Variants in SH2D2A observed in about 807,000 individuals in gnomAD.
SH2D2A encodes SH2 domain-containing protein 2A.
In SH2D2A, 33 loss-of-function variants were observed where a neutral mutation model predicts 43.6. That is an observed-to-expected ratio of 0.76 (90% confidence interval 0.57 to 1.01). The LOEUF (loss-of-function observed/expected upper bound fraction) is 1.01. Ranked by LOEUF, SH2D2A falls within the 50% of genes least tolerant of loss-of-function variation. The probability of loss-of-function intolerance (pLI) is 0.00; values close to 1 mark genes in which losing one functional copy is unlikely to be tolerated. For missense variants in SH2D2A, 491 were observed against 503.1 expected (o/e 0.98, Z 0.23); for synonymous variants, 212 against 206.1 (o/e 1.03, Z -0.25).
chr1:156,809,877 A>G lies in SH2D2A; in HGVS notation c.568-70T>C, dbSNP rs1303261465. 1.3e-6 allele frequency: 2 copies of G among 1,566,960 alleles called. No individual in the cohort carries two copies. The highest frequency in any genetic ancestry group is 2.7e-5 in the African/African-American group (2 of 72,966). ...GGTGGGGGAGGTGATCAGGAGGACA[A>G]AATAATCCAGTCTAAGTGGAGGATG... On this transcript the variant is annotated intron_variant, in intron 5 of 8. Coordinates refer to ENST00000368199, the MANE Select transcript of SH2D2A (RefSeq NM_003975.4). This position sits in a 1 kb window ranked among gnomAD's most constrained non-coding sequence, Gnocchi z 4.8.
In SH2D2A at chr1:156,807,369, G is replaced by A. The variant is rs761717514; in HGVS notation, c.1003-24C>T. 5 of 1,491,572 alleles carry A rather than the reference G, an allele frequency of 3.4e-6. No individual in the cohort carries two copies. Among genetic ancestry groups the A allele is most frequent in the Non-Finnish European group, 4.4e-6 (5 of 1,125,042 alleles). The allele number at this position is 1,491,572 out of a possible 1,614,324, so 92.4% of individuals were successfully genotyped here. A position where few individuals can be genotyped will look rare whatever the true frequency, so the allele number is the denominator to read the frequency against. Reference sequence around the variant, plus strand: ...TTCTGCAGAGAGAAGGACAGTTCTAGGTCACACCCTCTACCCTCTGCCTCC... The same window carrying A: ...TTCTGCAGAGAGAAGGACAGTTCTAAGTCACACCCTCTACCCTCTGCCTCC... On this transcript the variant is annotated intron_variant, in intron 7 of 8. Coordinates refer to ENST00000368199, the MANE Select transcript of SH2D2A (RefSeq NM_003975.4). This position sits in a 1 kb window ranked among gnomAD's most constrained non-coding sequence, Gnocchi z 5.1.
rs367665337 is a variant in SH2D2A, at chr1:156,816,761, A to C, written c.-53T>G. The stretch of plus-strand genomic sequence containing the variant: ...GCAGGGTGTGTGTATGTGTTCCGGA[A>C]AGGTGTGCACACTCAGCAACTCATC... On this transcript the variant is annotated 5_prime_UTR_variant, in exon 1 of 9. Transcript: ENST00000368199. The C allele has an allele frequency of 4.3e-4, 661 of 1,523,956 alleles. No individual in the cohort carries two copies. Among genetic ancestry groups the C allele is most frequent in the Non-Finnish European group, 5.1e-4 (580 of 1,131,944 alleles). 94.4% of individuals were successfully genotyped at this position (1,523,956 alleles called of 1,614,324 possible).
At chr1:156,814,051 G>A (rs886959068) in intron 4 of SH2D2A, 35 bp from the exon 5 acceptor site, 7 of 1,490,566 alleles carry the variant, frequency 4.7e-6, no homozygotes, top group Admixed American at 2.1e-5. Context: ...ACTATCTCCC[G>A]CTCCTCGGCC....
At chr1:156,814,967 C>T in intron 3 of SH2D2A, 70 bp downstream of exon 3, 1 of 1,324,898 alleles carries the variant, frequency 7.5e-7, no homozygotes, top group Non-Finnish European at 1.0e-6. Flanking sequence ...CTATTCCTGG[C>T]AGGTGGCAGG....
intron 4 of SH2D2A, 88 bp from the exon 5 acceptor site, chr1:156,814,104 G>C: frequency 6.6e-7 from 1 of 1,522,982 alleles, no homozygotes. Context: ...TCAGCAGCCC[G>C]GGGAATGAGC....
intron 5 of SH2D2A, 46 bp downstream of exon 5, chr1:156,813,802 C>T: frequency 7.4e-7 from 1 of 1,356,972 alleles, no homozygotes. Flanking sequence ...GGGAGGGGCG[C>T]TGGCCCGAGA....
At position 156,809,280 on chromosome 1, in the gene SH2D2A, C is replaced by T; in HGVS notation, c.925G>A (p.Glu309Lys). ...AGGGTGGCGGGTAGGCCCTCATCTTCCACTTCCACATAGATGTTGCTGGGG... is the reference window on the plus strand; with the variant it reads ...AGGGTGGCGGGTAGGCCCTCATCTTTCACTTCCACATAGATGTTGCTGGGG... Reference protein sequence around the residue: ...EAPSNIYVEVEDEGLPATLGH... With the variant: ...EAPSNIYVEVKDEGLPATLGH... Residue 309 changes from glutamate to lysine, a missense_variant, in exon 7 of 9, where the codon GAA (glutamate) becomes AAA (lysine). Transcript: ENST00000368199. The surrounding 1 kb of genome is among the most constrained non-coding windows in gnomAD (Gnocchi z 4.8). 6.2e-7 allele frequency: 1 copy of T among 1,614,158 alleles called. No individual in the cohort carries two copies. Among genetic ancestry groups the T allele is most frequent in the Non-Finnish European group, 8.5e-7 (1 of 1,180,012 alleles).
chr1:156,813,737 G>T, intron 5 of SH2D2A, 111 bp downstream of exon 5: 1 of 1,028,080 alleles, frequency 9.7e-7, no homozygotes, highest in Non-Finnish European at 1.3e-6. Flanking sequence ...ATGCCCGAGT[G>T]GTGTTTCGGG....
Position 156,809,353 on chromosome 1 carries a change from A to C in SH2D2A, c.852T>G (p.Asp284Glu), listed in dbSNP as rs751204346. Residue 284 changes from aspartate to glutamate, a missense_variant, in exon 7 of 9, where the codon GAT becomes GAG. Physicochemically the swap from Asp to Glu is conservative, Grantham distance 45. Transcript: ENST00000368199. This position sits in a 1 kb window ranked among gnomAD's most constrained non-coding sequence, Gnocchi z 4.8. ...KPSNPIYNEPDEPIAFYAMGR... is the reference protein window; with the variant it reads ...KPSNPIYNEPEEPIAFYAMGR... ...CCATGGCATAGAAAGCTATGGGTTC[A>C]TCAGGCTCATTGTAGATAGGATTGG... 6.2e-7 allele frequency: 1 copy of C among 1,614,136 alleles called. No individual in the cohort carries two copies. The highest frequency in any genetic ancestry group is 1.7e-4 in the Middle Eastern group (1 of 6,060).
chr1:156,809,746 T>C lies in SH2D2A; in HGVS notation c.629A>G (p.Gln210Arg). ...TEESNFGSKS[Q>R]DPNPQYSPII... is the part of the protein sequence containing the mutation. Reference sequence around the variant, plus strand: ...TGGGCTGTACTGGGGGTTTGGGTCCTGGCTTTTGCTTCCAAAGTTTGATTC... The same window carrying C: ...TGGGCTGTACTGGGGGTTTGGGTCCCGGCTTTTGCTTCCAAAGTTTGATTC... Residue 210 changes from glutamine (Q) to arginine (R), a missense_variant, in exon 6 of 9, where the codon CAG (glutamine) becomes CGG (arginine). Gln to Arg is a conservative substitution (Grantham distance 43). Transcript: ENST00000368199. The surrounding 1 kb of genome is among the most constrained non-coding windows in gnomAD (Gnocchi z 4.8). The C allele has an allele frequency of 6.2e-7, 1 of 1,614,132 alleles. No homozygotes were observed. Among genetic ancestry groups the C allele is most frequent in the Non-Finnish European group, 8.5e-7 (1 of 1,180,010 alleles).
Position 156,809,157 on chromosome 1 carries a change from G to T in SH2D2A, c.1002+46C>A, listed in dbSNP as rs373563697. On this transcript the variant is annotated intron_variant, in intron 7 of 8. Transcript: ENST00000368199. The surrounding 1 kb of genome is among the most constrained non-coding windows in gnomAD (Gnocchi z 4.8). Reference sequence around the variant, plus strand: ...CTTCTTCACCTTCCCCCATCTACCTGCAGGGAGACCTTCTTGCACCTACCT... The same window carrying T: ...CTTCTTCACCTTCCCCCATCTACCTTCAGGGAGACCTTCTTGCACCTACCT... 4 of 1,552,422 alleles carry T rather than the reference G, an allele frequency of 2.6e-6. No homozygotes were observed. Among genetic ancestry groups the T allele is most frequent in the Non-Finnish European group, 2.6e-6 (3 of 1,146,312 alleles).
At chr1:156,810,496 C>G (rs2102798834) in intron 5 of SH2D2A, among the ~76,000 whole-genome samples, 1 of 151,988 alleles carries the variant, frequency 6.6e-6, no homozygotes, top group Non-Finnish European at 1.5e-5. Context: ...TATTTCTGTA[C>G]TGCCGGTTAC....
intron 3 of SH2D2A, 94 bp from the exon 4 acceptor site, chr1:156,814,388 A>G: frequency 2.6e-6 from 4 of 1,532,414 alleles, no homozygotes; most frequent in Non-Finnish European, 2.6e-6. Context: ...CCTACCCCCA[A>G]GCAAGCATGC....
rs528129707 is a variant in SH2D2A, at chr1:156,814,188, G to T, written c.398+17C>A. 1.1e-5 allele frequency: 18 copies of T among 1,612,312 alleles called. No individual in the cohort carries two copies. Among genetic ancestry groups the T allele is most frequent in the Admixed American group, 1.7e-5 (1 of 59,938 alleles). On this transcript the variant is annotated intron_variant, in intron 4 of 8. Transcript: ENST00000368199. ...AGCCCCGCCTTGTGTCGCCCGGCGC[G>T]GGGCCTCGCCCCTCACCTGTAAGTC...
In SH2D2A at chr1:156,816,763, G is replaced by A; in HGVS notation, c.-55C>T. ...AGGGTGTGTGTATGTGTTCCGGAAA[G>A]GTGTGCACACTCAGCAACTCATCAT... On this transcript the variant is annotated 5_prime_UTR_variant, in exon 1 of 9. Transcript: ENST00000368199. The A allele has an allele frequency of 6.6e-7, 1 of 1,504,090 alleles. No homozygotes were observed. Among genetic ancestry groups the A allele is most frequent in the Non-Finnish European group, 8.9e-7 (1 of 1,119,468 alleles). 93.2% of individuals were successfully genotyped at this position (1,504,090 alleles called of 1,614,324 possible). A position where few individuals can be genotyped will look rare whatever the true frequency, so the allele number is the denominator to read the frequency against.
In SH2D2A at chr1:156,809,901, T is replaced by C; in HGVS notation, c.568-94A>G. ...AAAATAATCCAGTCTAAGTGGAGGA[T>C]GGGGGAAGGGGGAGGAGCACAGAAA... is the stretch of plus-strand genomic sequence containing the variant. On this transcript the variant is annotated intron_variant, in intron 5 of 8. Transcript: ENST00000368199. The surrounding 1 kb of genome is among the most constrained non-coding windows in gnomAD (Gnocchi z 4.8). The C allele has an allele frequency of 7.7e-7, 1 of 1,293,680 alleles. No homozygotes were observed. Among genetic ancestry groups the C allele is most frequent in the Non-Finnish European group, 1.1e-6 (1 of 947,894 alleles). 80.1% of individuals were successfully genotyped at this position (1,293,680 alleles called of 1,614,324 possible).
chr1:156,814,440 G>A, intron 3 of SH2D2A, 146 bp from the exon 4 acceptor site: 1 of 1,396,810 alleles, frequency 7.2e-7, no homozygotes, highest in East Asian at 2.5e-5. Context: ...TGGGGAGAGA[G>A]AGCACGTGGG....
rs1260025087 is a variant in SH2D2A, at chr1:156,809,742, G to A, written c.633C>T (p.Asp211=). The change falls in exon 6 of 9, where the codon GAC becomes GAT. Residue 211 remains aspartate (D), a synonymous_variant. Coordinates refer to ENST00000368199, the MANE Select transcript of SH2D2A (RefSeq NM_003975.4). The surrounding 1 kb of genome is among the most constrained non-coding windows in gnomAD (Gnocchi z 4.8). ...TGATTGGGCTGTACTGGGGGTTTGG[G>A]TCCTGGCTTTTGCTTCCAAAGTTTG... ...EESNFGSKSQ[D]PNPQYSPIIK... 1 of 1,614,128 alleles carries A rather than the reference G, an allele frequency of 6.2e-7. No homozygotes were observed. Among genetic ancestry groups the A allele is most frequent in the Non-Finnish European group, 8.5e-7 (1 of 1,180,014 alleles).
At chr1:156,811,793 C>G (rs186444798) in intron 5 of SH2D2A, among the ~76,000 whole-genome samples, 1 of 152,212 alleles carries the variant, frequency 6.6e-6, no homozygotes. Flanking sequence ...TTTGTCAGTT[C>G]CCCCTCATTT....
Sources: gnomAD v4.1 joint callset for allele counts (sites outside exome capture counted in the v4.1 genomes callset) on GRCh38, gnomAD v4.1.1 for gene constraint, Gnocchi (gnomAD v3.1) non-coding constraint, MANE v1.5 for transcripts, NCBI Gene and HGNC (gene_info 2026-07-23, HGNC 2026-07-21) for gene names.